Variants in LAMB4 observed in about 807,000 individuals in gnomAD.
LAMB4 encodes the protein laminin subunit beta 4.
In LAMB4, 196 loss-of-function variants were observed where a neutral mutation model predicts 199.2. The ratio of observed to expected loss-of-function variants is 0.98; its 90% CI spans 0.88 to 1.11. The LOEUF (loss-of-function observed/expected upper bound fraction) is 1.11. LAMB4 is among the 50% of genes least tolerant of loss of function. The pLI is 0.00. For synonymous variants in LAMB4, 744 were observed against 770.6 expected (o/e 0.97, Z 0.57); for missense variants, 2,080 against 2,171.2 (o/e 0.96, Z 0.83).
chr7:108,089,945 G>C (rs1220174374), intron 14 of LAMB4, among the ~76,000 whole-genome samples: 1 of 152,128 alleles, frequency 6.6e-6, no homozygotes, highest in African/African-American at 2.4e-5. Context: ...TTACAGATGT[G>C]AGCTACTGTG....
rs771301426 is a variant in LAMB4, at chr7:108,105,864, G to GAA, written c.822_823insTT (p.Arg275PhefsTer72). ...TCTCCCCGCATCTTCTGCATAGGGC[G>GAA]ACATTCGCTAGCATGGCCATTGCAA... On this transcript the variant is annotated frameshift_variant, in exon 8 of 34. Transcript: ENST00000388781. LOFTEE classifies it high-confidence loss of function. 2 of 1,614,204 alleles carry GAA rather than the reference G, an allele frequency of 1.2e-6. No homozygotes were observed. Among genetic ancestry groups the GAA allele is most frequent in the South Asian group, 2.2e-5 (2 of 91,080 alleles).
At chr7:108,022,124 A>G (rs532698607), downstream of LAMB4, among the ~76,000 whole-genome samples, 2 of 152,330 alleles carry the variant, frequency 1.3e-5, no homozygotes, top group South Asian at 4.1e-4. Context: ...CGCCTGATGC[A>G]TAGTTGTCCT....
rs1373499968 is a variant in LAMB4 at position 108,034,356 on chromosome 7, G to C, written c.4680-10C>G. On this transcript the variant is annotated splice_polypyrimidine_tract_variant and intron_variant, in intron 30 of 33. Transcript: ENST00000388781. ...AATATTTGCTGCTTTCCTAAGGTAA[G>C]ATATTAACATATCAGATTAGATAAA... 6.3e-7 allele frequency: 1 copy of C among 1,582,564 alleles called. No homozygotes were observed. Among genetic ancestry groups the C allele is most frequent in the African/African-American group, 1.3e-5 (1 of 74,244 alleles).
chr7:108,099,736 T>A (rs2037753001), intron 10 of LAMB4, among the ~76,000 whole-genome samples: 1 of 152,228 alleles, frequency 6.6e-6, no homozygotes, highest in African/African-American at 2.4e-5. Context: ...AAAACAAAAC[T>A]GTCAAGTCTA....
At chr7:108,118,404 A>T (rs1412475847) in intron 2 of LAMB4, among the ~76,000 whole-genome samples, 1 of 152,168 alleles carries the variant, frequency 6.6e-6, no homozygotes, top group Non-Finnish European at 1.5e-5. Context: ...AATAAAGAAC[A>T]GACTGCGATT....
At chr7:108,050,836 C>T (rs1322986996) in intron 26 of LAMB4, among the ~76,000 whole-genome samples, 1 of 152,168 alleles carries the variant, frequency 6.6e-6, no homozygotes, top group Non-Finnish European at 1.5e-5. Flanking sequence ...TCCCTGAAGA[C>T]TTTACTAATG....
Position 108,091,698 on chromosome 7 carries a change from G to A in LAMB4, c.1629C>T (p.Tyr543=). The change falls in exon 14 of 34, where the codon TAC becomes TAT. Residue 543 remains tyrosine (Y), a synonymous_variant. Coordinates refer to ENST00000388781, the MANE Select transcript of LAMB4 (RefSeq NM_007356.3). ...GATAGAAATTCAAAGGAGCAAAGAA[G>A]TAGCCAGGGGCTGGTTCAGAGCAGC... is the stretch of plus-strand genomic sequence containing the variant. ...GRSCSEPAPG[Y]FFAPLNFYLY... 1.2e-6 allele frequency: 2 copies of A among 1,614,246 alleles called. No homozygotes were observed. Among genetic ancestry groups the A allele is most frequent in the Non-Finnish European group, 1.7e-6 (2 of 1,180,034 alleles).
At chr7:108,089,932 G>A (rs976889440) in intron 14 of LAMB4, among the ~76,000 whole-genome samples, 3 of 152,094 alleles carry the variant, frequency 2.0e-5, no homozygotes, top group African/African-American at 7.2e-5. Context: ...CAAAGTGCTG[G>A]GGTTACAGAT....
rs377247341 is a variant in LAMB4, at chr7:108,059,256, C to T, written c.3283-1328G>A. ...GAGTAGCTGGGACTACAGGCACCCA[C>T]CACCATGCCTGGCTAATTTTTTTGT... is the stretch of plus-strand genomic sequence containing the variant. On this transcript the variant is annotated intron_variant, in intron 23 of 33. Coordinates refer to ENST00000388781, the MANE Select transcript of LAMB4 (RefSeq NM_007356.3). Among the ~76,000 whole-genome samples the T allele has an allele frequency of 5.3e-4, 81 of 152,204 alleles. 1 individual carries two copies. The highest frequency in any genetic ancestry group is 1.8e-3 in the African/African-American group (73 of 41,526).
intron 29 of LAMB4, among the ~76,000 whole-genome samples, chr7:108,043,199 A>G (rs963659676): frequency 6.6e-6 from 1 of 152,088 alleles, no homozygotes; most frequent in African/African-American, 2.4e-5. Context: ...ACTCCCTATG[A>G]TATTTGATAT....
At chr7:108,091,225 G>A (rs887371823) in intron 14 of LAMB4, among the ~76,000 whole-genome samples, 1 of 152,090 alleles carries the variant, frequency 6.6e-6, no homozygotes, top group Admixed American at 6.5e-5. Context: ...TGTGCTAGGC[G>A]CTAGTGCAAC....
rs1307700150 is a variant in LAMB4 at position 108,057,874 on chromosome 7, A to G, written c.3337T>C (p.Cys1113Arg). The change falls in exon 24 of 34, where the codon TGC becomes CGC. Residue 1113 changes from cysteine to arginine, a missense_variant. Transcript: ENST00000388781. ...GGATCACCATAATAATTTTCCTGGC[A>G]CTCACTGCAACGTTTCCCGCCGTAA... ...LGYGGKRCSECQENYYGDPPG... is the reference protein window; with the variant it reads ...LGYGGKRCSERQENYYGDPPG... The G allele has an allele frequency of 1.9e-6, 3 of 1,613,424 alleles. No homozygotes were observed. The African/African-American group carries it at 4.0e-5, about 22-fold the overall frequency.
Position 108,039,299 on chromosome 7 carries a change from T to C in LAMB4, c.4472-1704A>G, listed in dbSNP as rs577923520. Among the ~76,000 whole-genome samples, 37 of 152,276 alleles carry C rather than the reference T, an allele frequency of 2.4e-4. No homozygotes were observed. The South Asian group carries it at 7.7e-3, about 32-fold the overall frequency. ...ATTTGAGTGACATGACATGAATATA[T>C]ATTCTGCTTGTAGTCATTTTGCTTT... On this transcript the variant is annotated intron_variant, in intron 29 of 33. Transcript: ENST00000388781.
rs3735593 is a variant in LAMB4, at chr7:108,037,549, C to A, written c.4518G>T (p.Val1506=). 8.6e-4 allele frequency: 1,387 copies of A among 1,614,160 alleles called. 44 individuals carry two copies. The East Asian group carries it at 0.031, about 36-fold the overall frequency. Residue 1506 remains valine, a synonymous_variant, in exon 30 of 34, where the codon GTG becomes GTT. Transcript: ENST00000388781. ...PEDIEKVANG[V]LDIHLPIPSQ... ...ATGGAATTGGTAGGTGAATGTCAAG[C>A]ACACCATTCGCAACCTTCTCGATGT...
At chr7:108,012,414 C>T in the LAMB4 span, among the ~76,000 whole-genome samples, 74 of 152,142 alleles carry the variant, frequency 4.9e-4, no homozygotes, top group Middle Eastern at 3.4e-3. Flanking sequence ...ATGTATTTGT[C>T]TATAACTGGT....
At chr7:108,015,581 AC>A in the LAMB4 span, among the ~76,000 whole-genome samples, 1 of 152,138 alleles carries the variant, frequency 6.6e-6, no homozygotes, top group African/African-American at 2.4e-5. Flanking sequence ...AGTGTTTCCA[AC>A]CAAGTAGTTA....
chr7:108,019,313 A>G (rs956958542), downstream of LAMB4, among the ~76,000 whole-genome samples: 2 of 151,768 alleles, frequency 1.3e-5, no homozygotes, highest in Non-Finnish European at 2.9e-5. Flanking sequence ...CATCAGGTCA[A>G]TCCTCCCGTG....
the LAMB4 span, among the ~76,000 whole-genome samples, chr7:108,016,535 C>T: frequency 1.3e-5 from 2 of 152,292 alleles, no homozygotes; most frequent in East Asian, 1.9e-4. Flanking sequence ...CCGCCTGCTG[C>T]GGCCTCCCAA....
intron 2 of LAMB4, among the ~76,000 whole-genome samples, chr7:108,120,249 A>G (rs1041053040): frequency 6.6e-6 from 1 of 152,104 alleles, no homozygotes. Context: ...CTTTCCTTCG[A>G]TTTGACCTCC....
Sources: gnomAD v4.1 joint callset for allele counts (sites outside exome capture counted in the v4.1 genomes callset) on GRCh38, gnomAD v4.1.1 for gene constraint, MANE v1.5 for transcripts, NCBI Gene and HGNC (gene_info 2026-07-23, HGNC 2026-07-21) for gene names.